DOCK2: variants seen among roughly 807,000 people sequenced by gnomAD.
The protein encoded by DOCK2 is dedicator of cytokinesis protein 2.
DOCK2 carries 87 observed loss-of-function variants against 248.9 expected under a neutral mutation model. The observed-to-expected ratio is 0.35, with a 90% CI of 0.29 to 0.42. The LOEUF (loss-of-function observed/expected upper bound fraction) is 0.42, where lower values mean the gene tolerates loss of function less well. Ranked by LOEUF, DOCK2 falls within the 10% of genes least tolerant of loss-of-function variation. The probability of loss-of-function intolerance (pLI) is 1.00; values close to 1 mark genes in which losing one functional copy is unlikely to be tolerated. For missense variants in DOCK2, 1,747 were observed against 2,300.2 expected, an observed-to-expected ratio of 0.76 and a Z score of 4.92; for synonymous variants, 805 against 821.6, an observed-to-expected ratio of 0.98 and a Z score of 0.35.
intron 10 of DOCK2, 49 bp from the exon 11 acceptor site, chr5:169,698,325 T>G (rs202097525): frequency 1.9e-6 from 3 of 1,591,190 alleles, no homozygotes; most frequent in East Asian, 2.2e-5. Flanking sequence ...TCATCCCTTA[T>G]GGGAACAGGA....
intron 27 of DOCK2, among the ~76,000 whole-genome samples, chr5:169,963,838 G>A (rs547406398): frequency 8.5e-5 from 13 of 152,256 alleles, no homozygotes; most frequent in African/African-American, 3.1e-4. Flanking sequence ...GGGAAGGCTG[G>A]TTGAACATAG....
chr5:170,039,320 C>A (rs1756431955), intron 36 of DOCK2, among the ~76,000 whole-genome samples: 1 of 152,188 alleles, frequency 6.6e-6, no homozygotes, highest in Admixed American at 6.5e-5. Context: ...AAAGCGTGCT[C>A]TCCTAGTACC....
At chr5:169,983,242 A>C (rs879129770) in intron 28 of DOCK2, 76 bp downstream of exon 28, 35 of 1,430,786 alleles carry the variant, frequency 2.4e-5, no homozygotes, top group Admixed American at 1.7e-5. Flanking sequence ...TGTCAGAGAG[A>C]CCTGCCTGTC....
intron 5 of DOCK2, 120 bp downstream of exon 5, chr5:169,671,294 G>A (rs12656787): frequency 0.23 from 180,027 of 784,668 alleles, 22,088 homozygotes; most frequent in South Asian, 0.3. Flanking sequence ...ATAGCAGAGC[G>A]CACACTATTA....
At chr5:169,692,864 G>A (rs992897608) in intron 9 of DOCK2, among the ~76,000 whole-genome samples, 1 of 152,126 alleles carries the variant, frequency 6.6e-6, no homozygotes, top group Non-Finnish European at 1.5e-5. Flanking sequence ...GTGTTTGTCT[G>A]TGCCCTGATA....
chr5:169,696,452 G>A (rs1317289772), intron 10 of DOCK2, among the ~76,000 whole-genome samples: 1 of 152,050 alleles, frequency 6.6e-6, no homozygotes, highest in Non-Finnish European at 1.5e-5. Context: ...TAGCTCTCCT[G>A]GGGTTTCTAA....
intron 27 of DOCK2, among the ~76,000 whole-genome samples, chr5:169,979,101 G>T (rs1307324409): frequency 2.0e-5 from 3 of 152,144 alleles, no homozygotes; most frequent in Non-Finnish European, 2.9e-5. Flanking sequence ...TTTCTGCCCG[G>T]GATGAAAAGA....
At chr5:169,874,019 A>G (rs570259704) in intron 27 of DOCK2, among the ~76,000 whole-genome samples, 361 of 152,358 alleles carry the variant, frequency 2.4e-3, no homozygotes, top group Non-Finnish European at 3.8e-3. Flanking sequence ...GTTGCTAGAT[A>G]CAAAGGGAGG....
intron 22 of DOCK2, among the ~76,000 whole-genome samples, chr5:169,745,787 C>T (rs545477039): frequency 2.2e-4 from 34 of 152,210 alleles, no homozygotes; most frequent in African/African-American, 7.0e-4. Flanking sequence ...AAGTGCCTGC[C>T]GGGCAGTGGG....
At chr5:169,955,493 A>C (rs1037750992) in intron 27 of DOCK2, among the ~76,000 whole-genome samples, 1 of 152,174 alleles carries the variant, frequency 6.6e-6, no homozygotes, top group Non-Finnish European at 1.5e-5. Context: ...TGCGGCTTCT[A>C]CCTTACATCT....
intron 27 of DOCK2, among the ~76,000 whole-genome samples, chr5:169,935,621 A>G (rs1329570719): frequency 6.6e-6 from 1 of 152,192 alleles, no homozygotes; most frequent in African/African-American, 2.4e-5. Flanking sequence ...CTTTGCGGTG[A>G]AATGAAGGTC....
intron 1 of DOCK2, among the ~76,000 whole-genome samples, chr5:169,637,875 T>TG (rs1433432419): frequency 6.6e-6 from 1 of 151,978 alleles, no homozygotes; most frequent in Non-Finnish European, 1.5e-5. Context: ...AGCTCAAGCT[T>TG]GGGGGAATGG....
intron 27 of DOCK2, among the ~76,000 whole-genome samples, chr5:169,946,116 C>T (rs974424362): frequency 3.3e-5 from 5 of 152,206 alleles, no homozygotes; most frequent in African/African-American, 1.2e-4. Context: ...GCCATCTCAG[C>T]ACAGCAAATA....
intron 22 of DOCK2, among the ~76,000 whole-genome samples, chr5:169,742,707 C>T (rs921231043): frequency 5.9e-5 from 9 of 152,196 alleles, no homozygotes; most frequent in African/African-American, 1.9e-4. Context: ...TGGGCTGAGG[C>T]TTTATGTACC....
chr5:169,695,770 A>G (rs373339019), intron 9 of DOCK2, 33 bp from the exon 10 acceptor site: 15 of 1,612,288 alleles, frequency 9.3e-6, no homozygotes, highest in African/African-American at 4.0e-5. Flanking sequence ...CATTCAGCAC[A>G]TGATGGTCAA....
At chr5:169,973,390 G>T (rs13165483) in intron 27 of DOCK2, among the ~76,000 whole-genome samples, 3,899 of 152,252 alleles carry the variant, frequency 0.026, 78 homozygotes, top group South Asian at 0.048. Context: ...TGGAACTGAG[G>T]CTGAGCATTG....
In DOCK2 at chr5:169,990,948, TAAC is replaced by T. The variant is rs1276204133; in HGVS notation, c.2993+5034_2993+5036del. ...GGCCATGGGCATTTAAGGATAACCA[TAAC>T]AACAACAGCTGACATGTACTGAGGA... On this transcript the variant is annotated intron_variant, in intron 29 of 51. Transcript: ENST00000520908. Among the ~76,000 whole-genome samples the T allele has an allele frequency of 3.3e-5, 5 of 152,232 alleles. No homozygotes were observed. In the South Asian group the frequency reaches 8.3e-4, roughly 25 times the overall value.
chr5:169,642,100 A>C (rs1326871048), intron 1 of DOCK2, among the ~76,000 whole-genome samples: 1 of 152,366 alleles, frequency 6.6e-6, no homozygotes. Context: ...TGGAAACTGC[A>C]TCCCAAACAT....
At chr5:169,771,857 T>C (rs1765106874) in intron 25 of DOCK2, among the ~76,000 whole-genome samples, 1 of 152,250 alleles carries the variant, frequency 6.6e-6, no homozygotes, top group Non-Finnish European at 1.5e-5. Context: ...CTAAGAATTC[T>C]ATAATTTTAG....
Sources: allele counts gnomAD v4.1 joint callset (sites outside exome capture counted in the v4.1 genomes callset), GRCh38; gene constraint gnomAD v4.1.1; transcripts MANE v1.5; gene names NCBI Gene and HGNC (gene_info 2026-07-23, HGNC 2026-07-21).